SLC19A1: variants seen among roughly 807,000 people sequenced by gnomAD.
SLC19A1 encodes the protein solute carrier family 19 member 1.
Under a neutral mutation model 35.3 loss-of-function variants are expected in SLC19A1, and 37 were observed. The observed-to-expected ratio is 1.05, with a 90% CI of 0.81 to 1.38. The LOEUF (loss-of-function observed/expected upper bound fraction) is 1.38, where lower values mean the gene tolerates loss of function less well. SLC19A1 is among the 40% of genes most tolerant of loss of function. The pLI is 0.00. For missense variants in SLC19A1, 831 were observed against 826.9 expected, an observed-to-expected ratio of 1.00 and a Z score of -0.06; for synonymous variants, 460 against 398.5, an observed-to-expected ratio of 1.15 and a Z score of -1.84.
chr21:45,537,867 G>A lies in SLC19A1; in HGVS notation c.93C>T (p.Tyr31=), dbSNP rs929536623. The part of the protein sequence containing the change: ...ELRSWRHLVC[Y]LCFYGFMAQI... ...GCGCCATGAAGCCGTAGAAGCAAAG[G>A]TAGCACACGAGGTGCCGCCAGGACC... Residue 31 remains tyrosine (Y), a synonymous_variant, in exon 2 of 6, where the codon TAC becomes TAT. Transcript: ENST00000311124. 4.4e-6 allele frequency: 7 copies of A among 1,607,320 alleles called. No individual in the cohort carries two copies. The Admixed American group carries it at 5.0e-5, about 12-fold the overall frequency.
At chr21:45,504,390 C>A in intron 3 of SLC19A1, 1 of 1,606,608 alleles carries the variant, frequency 6.2e-7, no homozygotes, top group East Asian at 2.2e-5. Flanking sequence ...TCAGGGCTCC[C>A]GTGTAACAAG....
At position 45,540,320 on chromosome 21, in the gene SLC19A1, G is replaced by A. The variant is rs1442466852; in HGVS notation, c.-50+2048C>T. Among the ~76,000 whole-genome samples the A allele has an allele frequency of 1.3e-5, 2 of 152,158 alleles. No individual in the cohort carries two copies. Among genetic ancestry groups the A allele is most frequent in the Non-Finnish European group, 2.9e-5 (2 of 68,024 alleles). On this transcript the variant is annotated intron_variant, in intron 1 of 5. Transcript: ENST00000311124. This position sits in a 1 kb window ranked among gnomAD's most constrained non-coding sequence, Gnocchi z 5.5. Reference sequence around the variant, plus strand: ...ACCAGATCGCCGCAGACAACGGGGAGCCATCAGGAGCTGAACTAAGCCCAG... The same window carrying A: ...ACCAGATCGCCGCAGACAACGGGGAACCATCAGGAGCTGAACTAAGCCCAG...
chr21:45,507,639 G>A (rs2037300214), downstream of SLC19A1: 1 of 1,568,694 alleles, frequency 6.4e-7, no homozygotes, highest in Non-Finnish European at 8.8e-7. Flanking sequence ...GTCAGGACAT[G>A]AGGGGGTATG....
downstream of SLC19A1, chr21:45,510,232 C>T (rs772118023): frequency 9.3e-6 from 15 of 1,606,260 alleles, no homozygotes; most frequent in East Asian, 2.3e-5. Flanking sequence ...CCGTGCCGAC[C>T]GCGCAGCCGT....
chr21:45,532,175 C>T, intron 2 of SLC19A1, 27 bp from the exon 3 acceptor site: 1 of 1,550,002 alleles, frequency 6.5e-7, no homozygotes. Context: ...GTGCGCCCCA[C>T]CAGGTGTTAG....
upstream of SLC19A1, among the ~76,000 whole-genome samples, chr21:45,542,950 C>T (rs1384885007): frequency 2.6e-5 from 4 of 152,114 alleles, no homozygotes; most frequent in East Asian, 7.7e-4. Flanking sequence ...CTTCGTGGGG[C>T]TCCAACAGGG....
intron 4 of SLC19A1, among the ~76,000 whole-genome samples, chr21:45,529,901 CAT>C (rs1198797347): frequency 1.5e-5 from 2 of 136,578 alleles, no homozygotes; most frequent in Non-Finnish European, 3.1e-5. Context: ...TGTCTGTGAA[CAT>C]GTGGTGTGTC....
chr21:45,510,007 GCC>G, downstream of SLC19A1: 1 of 1,522,180 alleles, frequency 6.6e-7, no homozygotes, highest in South Asian at 1.2e-5. Context: ...TGCGCCCGGG[GCC>G]TGGGTGCAGG....
At chr21:45,505,798 T>G in intron 3 of SLC19A1, 619 of 767,128 alleles carry the variant, frequency 8.1e-4, no homozygotes, top group Non-Finnish European at 1.2e-3. Context: ...CCCCCCGCCC[T>G]CCCCGCCAAG....
chr21:45,505,406 C>T (rs773571358), intron 3 of SLC19A1: 1 of 1,576,354 alleles, frequency 6.3e-7, no homozygotes, highest in Non-Finnish European at 8.7e-7. Context: ...CCTGGGCCCC[C>T]TGGAACCATG....
chr21:45,516,960 C>A (rs2037978224), intron 5 of SLC19A1, among the ~76,000 whole-genome samples: 1 of 152,208 alleles, frequency 6.6e-6, no homozygotes, highest in Admixed American at 6.5e-5. Flanking sequence ...CTTCTCCCTG[C>A]TCTTCTCCTA....
chr21:45,526,754 T>C (rs2077635221), intron 4 of SLC19A1, among the ~76,000 whole-genome samples: 1 of 152,214 alleles, frequency 6.6e-6, no homozygotes, highest in African/African-American at 2.4e-5. Flanking sequence ...GTATTTTTAG[T>C]AGAGACAGAG....
intron 5 of SLC19A1, among the ~76,000 whole-genome samples, chr21:45,520,683 C>T (rs2077410005): frequency 6.6e-6 from 1 of 152,158 alleles, no homozygotes; most frequent in Admixed American, 6.5e-5. Flanking sequence ...AATGAGGTCA[C>T]AAGGATGGCA....
At chr21:45,523,336 A>C (rs1339688608) in intron 5 of SLC19A1, among the ~76,000 whole-genome samples, 1 of 152,202 alleles carries the variant, frequency 6.6e-6, no homozygotes, top group Non-Finnish European at 1.5e-5. Flanking sequence ...CCAGCCAGAG[A>C]AAAGTCCATG....
chr21:45,504,662 C>T (rs2037079523), intron 3 of SLC19A1: 6 of 988,730 alleles, frequency 6.1e-6, no homozygotes, highest in Non-Finnish European at 9.1e-6. Flanking sequence ...CCGGAGCTGC[C>T]CCTGCAAGCT....
intron 5 of SLC19A1, among the ~76,000 whole-genome samples, chr21:45,519,250 T>C (rs998377823): frequency 6.6e-6 from 1 of 152,032 alleles, no homozygotes. Flanking sequence ...AGTAACCCAC[T>C]GGAAGCTGCA....
At chr21:45,508,290 A>G (rs1237805858), downstream of SLC19A1, among the ~76,000 whole-genome samples, 3 of 113,736 alleles carry the variant, frequency 2.6e-5, no homozygotes, top group African/African-American at 1.1e-4. Flanking sequence ...GTAGATGGGG[A>G]GGTGGATGGG....
At position 45,538,002 on chromosome 21, in the gene SLC19A1, G is replaced by C. The variant is rs1131596; in HGVS notation, c.-43C>G. ...CAGCTCCGGAGGGGACGAAGGTGACGCTGTGCCTGGAAGGAGGGGTGGAGT... is the reference window on the plus strand; with the variant it reads ...CAGCTCCGGAGGGGACGAAGGTGACCCTGTGCCTGGAAGGAGGGGTGGAGT... On this transcript the variant is annotated 5_prime_UTR_variant, in exon 2 of 6. Coordinates refer to ENST00000311124, the MANE Select transcript of SLC19A1 (RefSeq NM_194255.4). 6.9e-7 allele frequency: 1 copy of C among 1,439,908 alleles called. No homozygotes were observed. Among genetic ancestry groups the C allele is most frequent in the East Asian group, 2.6e-5 (1 of 38,758 alleles). The allele number at this position is 1,439,908 out of a possible 1,614,324, so 89.2% of individuals were successfully genotyped here.
rs548642140 is a variant in SLC19A1 at position 45,524,966 on chromosome 21, C to T, written c.1293+851G>A. ...GGCACAGGGCCACGTGGCCTGCCAG[C>T]GTGGACAGGCCCTAATGACACTCTT... On this transcript the variant is annotated intron_variant, in intron 5 of 5. Coordinates refer to ENST00000311124, the MANE Select transcript of SLC19A1 (RefSeq NM_194255.4). 6.6e-4 allele frequency among the ~76,000 whole-genome samples: 100 copies of T among 152,338 alleles called. No homozygotes were observed. The South Asian group carries it at 0.019, about 30-fold the overall frequency.
Sources: gnomAD v4.1 joint callset for allele counts (sites outside exome capture counted in the v4.1 genomes callset) on GRCh38, gnomAD v4.1.1 for gene constraint, Gnocchi (gnomAD v3.1) non-coding constraint, MANE v1.5 for transcripts, NCBI Gene and HGNC (gene_info 2026-07-23, HGNC 2026-07-21) for gene names.